Variants in PSD2 observed in about 807,000 individuals in gnomAD.
PSD2 encodes the protein PH and SEC7 domain-containing protein 2.
In PSD2, 38 loss-of-function variants were observed where a neutral mutation model predicts 69.8. That is an observed-to-expected ratio of 0.54 (90% CI 0.42 to 0.71). The LOEUF (loss-of-function observed/expected upper bound fraction) is 0.71. PSD2 is among the 30% of genes least tolerant of loss of function. The pLI is 0.00. For missense variants in PSD2, 943 were observed against 1,014.5 expected, an observed-to-expected ratio of 0.93 and a Z score of 0.96; for synonymous variants, 412 against 423.0, an observed-to-expected ratio of 0.97 and a Z score of 0.32.
chr5:139,773,916 C>G, the PSD2 span, among the ~76,000 whole-genome samples: 1 of 151,894 alleles, frequency 6.6e-6, no homozygotes, highest in African/African-American at 2.4e-5. Context: ...TGGCTGAACC[C>G]TTTTATATTC....
the PSD2 span, among the ~76,000 whole-genome samples, chr5:139,790,120 G>C: frequency 6.6e-6 from 1 of 152,028 alleles, no homozygotes; most frequent in South Asian, 2.1e-4. Flanking sequence ...TGTGGCCTGC[G>C]TAAAGACTTG....
the PSD2 span, among the ~76,000 whole-genome samples, chr5:139,749,774 T>C: frequency 6.6e-6 from 1 of 151,816 alleles, no homozygotes; most frequent in Admixed American, 6.6e-5. Context: ...GGTGGGCAGA[T>C]TGCTTGAGCC....
Position 139,839,967 on chromosome 5 carries a change from T to A in PSD2, c.1969-60T>A. The A allele has an allele frequency of 6.3e-7, 1 of 1,590,700 alleles. No individual in the cohort carries two copies. Among genetic ancestry groups the A allele is most frequent in the Non-Finnish European group, 8.6e-7 (1 of 1,162,488 alleles). On this transcript the variant is annotated intron_variant, in intron 13 of 14. Coordinates refer to ENST00000274710, the MANE Select transcript of PSD2 (RefSeq NM_032289.4). The surrounding 1 kb of genome is among the most constrained non-coding windows in gnomAD (Gnocchi z 5.1). ...GGAGCAGCTCCTGGTAGAACAGGATTTGAGCCACTCCGTGACATCCTGAGA... is the reference window on the plus strand; with the variant it reads ...GGAGCAGCTCCTGGTAGAACAGGATATGAGCCACTCCGTGACATCCTGAGA...
chr5:139,758,445 G>A, the PSD2 span, among the ~76,000 whole-genome samples: 1 of 152,162 alleles, frequency 6.6e-6, no homozygotes. Context: ...GCTGCGGACC[G>A]TGCGGGCAGA....
Position 139,821,790 on chromosome 5 carries a change from G to A in PSD2, c.1098-103G>A. 4.8e-6 allele frequency: 3 copies of A among 629,322 alleles called. No homozygotes were observed. In the South Asian group the frequency reaches 6.9e-5, roughly 14 times the overall value. 39.0% of individuals were successfully genotyped at this position (629,322 alleles called of 1,614,324 possible). Reference sequence around the variant, plus strand: ...TCCAGACCCAGAGAGTGGGGCACTGGAGCCCTGGCCCCCTAGAGTGGGTGT... The same window carrying A: ...TCCAGACCCAGAGAGTGGGGCACTGAAGCCCTGGCCCCCTAGAGTGGGTGT... On this transcript the variant is annotated intron_variant, in intron 5 of 14. Transcript: ENST00000274710.
the PSD2 span, among the ~76,000 whole-genome samples, chr5:139,766,397 A>C: frequency 6.6e-6 from 1 of 151,912 alleles, no homozygotes; most frequent in Admixed American, 6.6e-5. Context: ...CCTTCTTTTC[A>C]CCTGCCTGGG....
intron 1 of PSD2, among the ~76,000 whole-genome samples, chr5:139,806,541 C>T (rs769433036): frequency 6.6e-6 from 1 of 152,186 alleles, no homozygotes; most frequent in African/African-American, 2.4e-5. Context: ...AGCACAGCTG[C>T]CTTTCATCCT....
chr5:139,751,009 C>A, the PSD2 span, among the ~76,000 whole-genome samples: 2 of 152,182 alleles, frequency 1.3e-5, no homozygotes, highest in African/African-American at 2.4e-5. Context: ...CCTGTGCAGG[C>A]CTCTCCCATG....
At chr5:139,829,145 A>G (rs1049677765) in intron 7 of PSD2, among the ~76,000 whole-genome samples, 13 of 152,314 alleles carry the variant, frequency 8.5e-5, no homozygotes, top group African/African-American at 3.1e-4. Flanking sequence ...TTTAAAGCAG[A>G]TAACTTACCC....
At chr5:139,751,095 A>T in the PSD2 span, among the ~76,000 whole-genome samples, 1 of 152,176 alleles carries the variant, frequency 6.6e-6, no homozygotes, top group East Asian at 1.9e-4. Flanking sequence ...TGGGTAGAGG[A>T]GGGACAGGTG....
chr5:139,779,035 A>G, the PSD2 span, among the ~76,000 whole-genome samples: 3 of 151,500 alleles, frequency 2.0e-5, no homozygotes, highest in Non-Finnish European at 2.9e-5. Flanking sequence ...TTGCTTCCCA[A>G]AAGGTGCGCT....
chr5:139,827,114 C>T (rs1760443666), intron 7 of PSD2, among the ~76,000 whole-genome samples: 1 of 152,214 alleles, frequency 6.6e-6, no homozygotes, highest in Non-Finnish European at 1.5e-5. Context: ...ATGAGGTGAT[C>T]CAGGGCCTAG....
chr5:139,773,953 G>T, the PSD2 span, among the ~76,000 whole-genome samples: 2 of 151,196 alleles, frequency 1.3e-5, no homozygotes, highest in African/African-American at 4.9e-5. Flanking sequence ...AGGGACAAGG[G>T]TTTCAATGTC....
At chr5:139,827,655 C>T (rs527703393) in intron 7 of PSD2, among the ~76,000 whole-genome samples, 2 of 152,324 alleles carry the variant, frequency 1.3e-5, no homozygotes, top group South Asian at 4.1e-4. Context: ...ACTCACAGTT[C>T]CACATGGCTT....
chr5:139,801,981 G>T (rs901376672), intron 1 of PSD2, among the ~76,000 whole-genome samples: 9 of 152,216 alleles, frequency 5.9e-5, no homozygotes, highest in African/African-American at 2.2e-4. Flanking sequence ...GGAGGTGACA[G>T]TGAAATGGCC....
At chr5:139,789,298 G>A in the PSD2 span, among the ~76,000 whole-genome samples, 1 of 152,212 alleles carries the variant, frequency 6.6e-6, no homozygotes, top group Non-Finnish European at 1.5e-5. Context: ...TCACGACACA[G>A]TATGACATGT....
At chr5:139,783,850 G>C in the PSD2 span, among the ~76,000 whole-genome samples, 1 of 151,644 alleles carries the variant, frequency 6.6e-6, no homozygotes, top group East Asian at 1.9e-4. Flanking sequence ...TGGCTTACAG[G>C]ATTTCTTTCT....
chr5:139,838,275 C>T (rs935026290), intron 12 of PSD2, among the ~76,000 whole-genome samples: 3 of 151,960 alleles, frequency 2.0e-5, no homozygotes, highest in Admixed American at 1.3e-4. Context: ...GGGCAGGCAG[C>T]GGGGGAGGGC....
At chr5:139,772,424 C>G in the PSD2 span, 9 of 152,440 alleles carry the variant, frequency 5.9e-5, no homozygotes, top group African/African-American at 2.2e-4. Context: ...CCCTCCTCCC[C>G]TGCTGTGAAG....
Sources: gnomAD v4.1 joint callset for allele counts (sites outside exome capture counted in the v4.1 genomes callset) on GRCh38, gnomAD v4.1.1 for gene constraint, Gnocchi (gnomAD v3.1) non-coding constraint, MANE v1.5 for transcripts, NCBI Gene and HGNC (gene_info 2026-07-23, HGNC 2026-07-21) for gene names.